The following PALLD variants were observed in gnomAD, a reference collection of about 807,000 sequenced individuals.
PALLD encodes the protein palladin, cytoskeletal associated protein.
Under a neutral mutation model 123.5 loss-of-function variants are expected in PALLD, and 61 were observed. That is an observed-to-expected ratio of 0.49 (90% CI 0.40 to 0.61). The LOEUF is 0.61. Ranked by LOEUF, PALLD falls within the 20% of genes least tolerant of loss-of-function variation. The pLI is 0.00. For synonymous variants in PALLD, 465 were observed against 496.4 expected (o/e 0.94, Z 0.84); for missense variants, 1,273 against 1,377.0 (o/e 0.92, Z 1.20).
intron 10 of PALLD, among the ~76,000 whole-genome samples, chr4:168,741,267 T>A (rs574504883): frequency 6.6e-6 from 1 of 152,334 alleles, no homozygotes; most frequent in African/African-American, 2.4e-5. Context: ...TCTTCATCGC[T>A]ATAATATGAG....
chr4:168,775,166 A>G (rs1464607575), intron 10 of PALLD, among the ~76,000 whole-genome samples: 1 of 152,118 alleles, frequency 6.6e-6, no homozygotes, highest in Non-Finnish European at 1.5e-5. Context: ...CCATGATTGT[A>G]TGAGAGTTCC....
chr4:168,668,685 C>T (rs1779889927), intron 3 of PALLD, among the ~76,000 whole-genome samples: 1 of 152,108 alleles, frequency 6.6e-6, no homozygotes, highest in Non-Finnish European at 1.5e-5. Flanking sequence ...AATTGAAATA[C>T]CATATCAAGC....
chr4:168,698,063 T>G (rs1203034502), intron 8 of PALLD, among the ~76,000 whole-genome samples: 1 of 152,226 alleles, frequency 6.6e-6, no homozygotes. Context: ...TCCTATCATT[T>G]GCAACAACAT....
intron 18 of PALLD, among the ~76,000 whole-genome samples, chr4:168,922,621 T>A (rs1034314668): frequency 1.3e-5 from 2 of 152,220 alleles, no homozygotes; most frequent in African/African-American, 4.8e-5. Context: ...GACAAAACTC[T>A]TGGATTATGA....
chr4:168,865,066 A>G lies in PALLD; in HGVS notation c.1965-25856A>G, dbSNP rs1440780036. On this transcript the variant is annotated intron_variant, in intron 10 of 21. Transcript: ENST00000505667. ...TCTCAGGGAGGGAGCCTCATTTATT[A>G]CAGTTCTCCCCAAGACACACTGGAT... 1.6e-4 allele frequency among the ~76,000 whole-genome samples: 24 copies of G among 152,224 alleles called. 1 individual carries two copies. Among genetic ancestry groups the G allele is most frequent in the Admixed American group, 1.6e-3 (24 of 15,274 alleles).
At chr4:168,585,265 A>AGT (rs200438574) in intron 2 of PALLD, among the ~76,000 whole-genome samples, 1 of 150,872 alleles carries the variant, frequency 6.6e-6, no homozygotes, top group East Asian at 2.0e-4. Flanking sequence ...CCTTATGAGT[A>AGT]GTGTGTGTGT....
intron 2 of PALLD, among the ~76,000 whole-genome samples, chr4:168,573,566 G>T (rs1273281036): frequency 6.6e-6 from 1 of 152,010 alleles, no homozygotes; most frequent in Non-Finnish European, 1.5e-5. Flanking sequence ...TTTATTGGTG[G>T]GGGACAATAA....
intron 4 of PALLD, among the ~76,000 whole-genome samples, chr4:168,682,084 C>T (rs1434275851): frequency 6.6e-6 from 1 of 152,128 alleles, no homozygotes; most frequent in Non-Finnish European, 1.5e-5. Context: ...AGTAGGTTCT[C>T]CTTTGGATAC....
At chr4:168,792,943 T>G (rs1175771367) in intron 10 of PALLD, among the ~76,000 whole-genome samples, 2 of 151,480 alleles carry the variant, frequency 1.3e-5, no homozygotes, top group African/African-American at 4.9e-5. Flanking sequence ...ATTTTTGTAT[T>G]TTTAGTAGAG....
At chr4:168,798,679 C>T (rs1281254991) in intron 10 of PALLD, among the ~76,000 whole-genome samples, 2 of 151,976 alleles carry the variant, frequency 1.3e-5, no homozygotes, top group East Asian at 1.9e-4. Context: ...AAAGTGGAAC[C>T]GTATTGTAAA....
chr4:168,712,443 C>T (rs1348166625), intron 10 of PALLD, among the ~76,000 whole-genome samples: 2 of 152,122 alleles, frequency 1.3e-5, no homozygotes, highest in Non-Finnish European at 2.9e-5. Flanking sequence ...GAAGAGCGCC[C>T]TTCACAACAC....
In PALLD at chr4:168,637,255, G is replaced by A. The variant is rs527423138; in HGVS notation, c.909-30935G>A. On this transcript the variant is annotated intron_variant, in intron 2 of 21. Transcript: ENST00000505667. ...GTGAAAGGGGCTTCTCCCTGAAGAC[G>A]GTGCCTAGGAGCCCCACTCCAGTCT... is the stretch of plus-strand genomic sequence containing the variant. Among the ~76,000 whole-genome samples, 12 of 152,076 alleles carry A rather than the reference G, an allele frequency of 7.9e-5. No homozygotes were observed. In the East Asian group the frequency reaches 1.6e-3, roughly 20 times the overall value.
chr4:168,850,249 C>G (rs1747541664), intron 10 of PALLD, among the ~76,000 whole-genome samples: 1 of 152,080 alleles, frequency 6.6e-6, no homozygotes, highest in Non-Finnish European at 1.5e-5. Flanking sequence ...CTTCTGCAAC[C>G]TGGCTCCTGG....
intron 10 of PALLD, among the ~76,000 whole-genome samples, chr4:168,763,598 GGT>G (rs1733254418): frequency 6.6e-6 from 1 of 152,176 alleles, no homozygotes; most frequent in Admixed American, 6.5e-5. Flanking sequence ...ATGAGCAGAA[GGT>G]GTTTCCCTGG....
At chr4:168,777,428 G>A (rs1735320214) in intron 10 of PALLD, among the ~76,000 whole-genome samples, 1 of 152,166 alleles carries the variant, frequency 6.6e-6, no homozygotes, top group Admixed American at 6.5e-5. Flanking sequence ...TGTGATGGGG[G>A]AGACGGGGTT....
At chr4:168,803,698 A>AG (rs397795713) in intron 10 of PALLD, among the ~76,000 whole-genome samples, 3 of 150,722 alleles carry the variant, frequency 2.0e-5, no homozygotes, top group Non-Finnish European at 4.4e-5. Flanking sequence ...AAAAAAAAAA[A>AG]GAAAAAAGGA....
intron 10 of PALLD, among the ~76,000 whole-genome samples, chr4:168,722,689 C>G (rs1483775261): frequency 6.6e-6 from 1 of 152,160 alleles, no homozygotes; most frequent in East Asian, 1.9e-4. Context: ...AACCCACATT[C>G]AATTCAGTGA....
chr4:168,500,104 T>C (rs746197030), intron 1 of PALLD, among the ~76,000 whole-genome samples: 4 of 152,102 alleles, frequency 2.6e-5, no homozygotes, highest in African/African-American at 7.2e-5. Flanking sequence ...ATACAAACAA[T>C]AAAATAGAAA....
chr4:168,562,776 GA>G (rs1387583697), intron 2 of PALLD, among the ~76,000 whole-genome samples: 2 of 152,158 alleles, frequency 1.3e-5, no homozygotes, highest in African/African-American at 4.8e-5. Flanking sequence ...GCCGTGTGGG[GA>G]CTCTAGGCCG....
Sources: gnomAD v4.1 joint callset for allele counts (sites outside exome capture counted in the v4.1 genomes callset) on GRCh38, gnomAD v4.1.1 for gene constraint, MANE v1.5 for transcripts, NCBI Gene and HGNC (gene_info 2026-07-23, HGNC 2026-07-21) for gene names.